Variants in FAM131B observed in about 807,000 individuals in gnomAD.
The protein encoded by FAM131B is family with sequence similarity 131 member B, also known as protein FAM131B.
Under a neutral mutation model 42.0 loss-of-function variants are expected in FAM131B, and 19 were observed. That is an observed-to-expected ratio of 0.45 (90% CI 0.32 to 0.66). The LOEUF (loss-of-function observed/expected upper bound fraction) is 0.66. FAM131B is among the 30% of genes least tolerant of loss of function. The pLI is 0.05. For synonymous variants in FAM131B, 183 were observed against 177.6 expected (o/e 1.03, Z -0.24); for missense variants, 370 against 468.4 (o/e 0.79, Z 1.94).
Position 143,356,779 on chromosome 7 carries a change from G to C in FAM131B, c.854C>G (p.Thr285Ser), listed in dbSNP as rs761430864. The stretch of plus-strand genomic sequence containing the variant: ...TGCGCCTACCCCCGGAGCCCAGTCA[G>C]TGTCTCCCCCCAGCAAAGGTGGAGG... ...LEPPPLLGGD[T>S]DWAPGVGAVD... Residue 285 changes from threonine (T) to serine (S), a missense_variant, in exon 7 of 7, where the codon ACT (threonine) becomes AGT (serine). By Grantham distance (58) the Thr-to-Ser change is moderately conservative. Coordinates refer to ENST00000443739, the MANE Select transcript of FAM131B (RefSeq NM_001031690.3). This position sits in a 1 kb window ranked among gnomAD's most constrained non-coding sequence, Gnocchi z 4.4. 2 of 1,614,130 alleles carry C rather than the reference G, an allele frequency of 1.2e-6. No individual in the cohort carries two copies. The highest frequency in any genetic ancestry group is 1.7e-6 in the Non-Finnish European group (2 of 1,180,032).
rs1326177883 is a variant in FAM131B at position 143,358,845 on chromosome 7, C to T, written c.448G>A (p.Glu150Lys). ...CCTGTACCTGCTAGAAAACGTGCCT[C>T]CTTCTCGCCATCGCTGAGGTCGGAG... The part of the protein sequence containing the change: ...AYSDLSDGEK[E>K]ARFLAGVMEQ... Residue 150 changes from glutamate to lysine, a missense_variant, in exon 5 of 7, where the codon GAG becomes AAG. By Grantham distance (56) the Glu-to-Lys change is moderately conservative. Coordinates refer to ENST00000443739, the MANE Select transcript of FAM131B (RefSeq NM_001031690.3). The surrounding 1 kb of genome is among the most constrained non-coding windows in gnomAD (Gnocchi z 4.7). 1 of 1,614,098 alleles carries T rather than the reference C, an allele frequency of 6.2e-7. No individual in the cohort carries two copies. Among genetic ancestry groups the T allele is most frequent in the African/African-American group, 1.3e-5 (1 of 75,042 alleles).
At chr7:143,372,921 C>T in the FAM131B span, among the ~76,000 whole-genome samples, 1 of 151,780 alleles carries the variant, frequency 6.6e-6, no homozygotes, top group Non-Finnish European at 1.5e-5. Context: ...CATTGTGCCA[C>T]TGCACTCCAG....
chr7:143,365,224 TG>T (rs1804153284), upstream of FAM131B, among the ~76,000 whole-genome samples: 1 of 152,144 alleles, frequency 6.6e-6, no homozygotes, highest in Non-Finnish European at 1.5e-5. Context: ...GGGATGAGAC[TG>T]TACAGGAGGA....
At position 143,360,158 on chromosome 7, in the gene FAM131B, G is replaced by T. The variant is rs1803887066; in HGVS notation, c.29-9C>A. The T allele has an allele frequency of 5.6e-6, 9 of 1,601,256 alleles. No homozygotes were observed. Among genetic ancestry groups the T allele is most frequent in the Non-Finnish European group, 7.7e-6 (9 of 1,173,574 alleles). On this transcript the variant is annotated splice_polypyrimidine_tract_variant and intron_variant, in intron 1 of 6. Transcript: ENST00000443739. ...TGCAATCACCTCATTCCCTGAGGGGGCCAGAAGGTTAGCCGCCGGCCCTCA... is the reference window on the plus strand; with the variant it reads ...TGCAATCACCTCATTCCCTGAGGGGTCCAGAAGGTTAGCCGCCGGCCCTCA...
chr7:143,373,863 C>T, the FAM131B span, among the ~76,000 whole-genome samples: 2,345 of 152,294 alleles, frequency 0.015, 23 homozygotes, highest in Non-Finnish European at 0.021. Flanking sequence ...GGCACTCCTG[C>T]GCTCACAGTG....
At position 143,356,764 on chromosome 7, in the gene FAM131B, C is replaced by G. The variant is rs574417118; in HGVS notation, c.869G>C (p.Gly290Ala). 6 of 1,614,140 alleles carry G rather than the reference C, an allele frequency of 3.7e-6. No individual in the cohort carries two copies. The highest frequency in any genetic ancestry group is 1.3e-5 in the African/African-American group (1 of 75,026). ...CCTTGCCAGGTCCACTGCGCCTACC[C>G]CCGGAGCCCAGTCAGTGTCTCCCCC... ...LLGGDTDWAP[G>A]VGAVDLARGP... The change falls in exon 7 of 7, where the codon GGG becomes GCG. Residue 290 changes from glycine to alanine, a missense_variant. By Grantham distance (60) the Gly-to-Ala change is moderately conservative. Coordinates refer to ENST00000443739, the MANE Select transcript of FAM131B (RefSeq NM_001031690.3). The surrounding 1 kb of genome is among the most constrained non-coding windows in gnomAD (Gnocchi z 4.4).
rs1419492346 is a variant in FAM131B at position 143,359,142 on chromosome 7, C to T, written c.269-118G>A. 3 of 1,142,962 alleles carry T rather than the reference C, an allele frequency of 2.6e-6. No individual in the cohort carries two copies. The highest frequency in any genetic ancestry group is 1.5e-5 in the African/African-American group (1 of 65,468). 70.8% of individuals were successfully genotyped at this position (1,142,962 alleles called of 1,614,324 possible). A position where few individuals can be genotyped will look rare whatever the true frequency, so the allele number is the denominator to read the frequency against. On this transcript the variant is annotated intron_variant, in intron 4 of 6. Transcript: ENST00000443739. This position sits in a 1 kb window ranked among gnomAD's most constrained non-coding sequence, Gnocchi z 5.4. ...CTCCATCCCACTGGGCCAGGCTCCCCTAAGGACTCCATAGATGGGGTAGTG... is the reference window on the plus strand; with the variant it reads ...CTCCATCCCACTGGGCCAGGCTCCCTTAAGGACTCCATAGATGGGGTAGTG...
In FAM131B at chr7:143,359,893, T is replaced by C; in HGVS notation, c.139-126A>G. 1.9e-6 allele frequency: 2 copies of C among 1,042,116 alleles called. No homozygotes were observed. The highest frequency in any genetic ancestry group is 2.9e-6 in the Non-Finnish European group (2 of 687,294). 64.6% of individuals were successfully genotyped at this position (1,042,116 alleles called of 1,614,324 possible). A position where few individuals can be genotyped will look rare whatever the true frequency, so the allele number is the denominator to read the frequency against. On this transcript the variant is annotated intron_variant, in intron 2 of 6. Transcript: ENST00000443739. The surrounding 1 kb of genome is among the most constrained non-coding windows in gnomAD (Gnocchi z 5.4). ...AGGGCTTTCCTGAGGTTGATGCCGC[T>C]AACTGGGTTCTCCATGTGGACTGCT...
chr7:143,382,256 C>G, the FAM131B span: 1 of 1,612,504 alleles, frequency 6.2e-7, no homozygotes, highest in Non-Finnish European at 8.5e-7. Context: ...AGACTTTCCC[C>G]TGCCTCCACC....
At chr7:143,371,616 A>C in the FAM131B span, among the ~76,000 whole-genome samples, 1 of 2,974 alleles carries the variant, frequency 3.4e-4, no homozygotes, top group African/African-American at 5.3e-4. Flanking sequence ...CCTGTCTCAA[A>C]AAAAAAAAAA....
the FAM131B span, chr7:143,380,285 T>C: frequency 1.0e-6 from 1 of 983,280 alleles, no homozygotes; most frequent in South Asian, 4.7e-5. This position sits in a 1 kb window ranked among gnomAD's most constrained non-coding sequence, Gnocchi z 5.0. Flanking sequence ...GCTTCTTTCG[T>C]GTAGCCTGGG....
At chr7:143,371,717 CCTCA>C in the FAM131B span, among the ~76,000 whole-genome samples, 3 of 151,408 alleles carry the variant, frequency 2.0e-5, no homozygotes, top group African/African-American at 7.3e-5. Flanking sequence ...TCATGGGAGG[CCTCA>C]CTGAGAGGTC....
At chr7:143,381,502 C>T in the FAM131B span, 20 of 1,514,882 alleles carry the variant, frequency 1.3e-5, no homozygotes, top group Non-Finnish European at 1.7e-5. Context: ...GAGCTGGGAC[C>T]GCCTGGGGCT....
At chr7:143,357,186 G>A (rs1222810109) in intron 6 of FAM131B, 94 bp downstream of exon 6, 2 of 1,364,520 alleles carry the variant, frequency 1.5e-6, no homozygotes, top group African/African-American at 1.4e-5. Context: ...AGATGGACAA[G>A]GAAGTCTTAA....
chr7:143,357,544 C>T (rs1803727605), intron 5 of FAM131B, 121 bp from the exon 6 acceptor site: 2 of 704,592 alleles, frequency 2.8e-6, no homozygotes, highest in East Asian at 6.3e-5. Context: ...CCACTTATAT[C>T]ATTTTAAATT....
rs372597823 is a variant in FAM131B at position 143,356,790 on chromosome 7, C to A, written c.843G>T (p.Leu281=). The A allele has an allele frequency of 1.2e-6, 2 of 1,614,136 alleles. No homozygotes were observed. Among genetic ancestry groups the A allele is most frequent in the Admixed American group, 1.7e-5 (1 of 60,018 alleles). The part of the protein sequence containing the change: ...GYSALEPPPL[L]GGDTDWAPGV... ...CCGGAGCCCAGTCAGTGTCTCCCCC[C>A]AGCAAAGGTGGAGGCTCCAGAGCAG... Residue 281 remains leucine, a synonymous_variant, in exon 7 of 7, where the codon CTG becomes CTT. Transcript: ENST00000443739. This position sits in a 1 kb window ranked among gnomAD's most constrained non-coding sequence, Gnocchi z 4.4.
intron 1 of FAM131B, chr7:143,361,248 G>C (rs1226718472): frequency 1.3e-5 from 2 of 153,436 alleles, no homozygotes; most frequent in East Asian, 3.9e-4. Context: ...CTGTCCCCTG[G>C]GGCTCCGCGG....
At chr7:143,371,613 C>CAAAAAAAAAAAAAAAA in the FAM131B span, among the ~76,000 whole-genome samples, 2 of 75,022 alleles carry the variant, frequency 2.7e-5, no homozygotes, top group African/African-American at 1.0e-4. Flanking sequence ...GACCCTGTCT[C>CAAAAAAAAAAAAAAAA]AAAAAAAAAA....
chr7:143,381,879 G>T, the FAM131B span: 27 of 1,220,586 alleles, frequency 2.2e-5, no homozygotes, highest in Non-Finnish European at 3.0e-5. Flanking sequence ...TTGCCGAGGG[G>T]GCTGGGCGCA....
Sources: allele counts gnomAD v4.1 joint callset (sites outside exome capture counted in the v4.1 genomes callset), GRCh38; gene constraint gnomAD v4.1.1; non-coding constraint Gnocchi (gnomAD v3.1); transcripts MANE v1.5; gene names NCBI Gene and HGNC (gene_info 2026-07-23, HGNC 2026-07-21).